Variants in FNDC3A observed in about 807,000 individuals in gnomAD.
FNDC3A encodes fibronectin type III domain containing 3A.
A neutral mutation model predicts 148.9 loss-of-function variants in FNDC3A; 32 were observed. The ratio of observed to expected loss-of-function variants is 0.21; its 90% CI spans 0.16 to 0.29. FNDC3A has a LOEUF of 0.29. FNDC3A is among the 10% of genes least tolerant of loss of function. The pLI is 1.00. For synonymous variants in FNDC3A, 472 were observed against 473.6 expected (o/e 1.00, Z 0.04); for missense variants, 1,191 against 1,452.8 (o/e 0.82, Z 2.93).
chr13:49,187,029 TA>T, intron 15 of FNDC3A, 92 bp from the exon 16 acceptor site: 1 of 827,948 alleles, frequency 1.2e-6, no homozygotes, highest in Non-Finnish European at 1.9e-6. Context: ...TTTTTTTTTT[TA>T]AACCTAGTTT....
chr13:48,986,988 T>G (rs955768357), intron 1 of FNDC3A, among the ~76,000 whole-genome samples: 2 of 152,348 alleles, frequency 1.3e-5, no homozygotes, highest in African/African-American at 2.4e-5. Flanking sequence ...TGTTGTGAAT[T>G]TAGTTACCAA....
chr13:48,978,951 A>AT, intron 1 of FNDC3A, among the ~76,000 whole-genome samples: 3 of 152,210 alleles, frequency 2.0e-5, no homozygotes, highest in Admixed American at 2.0e-4. Context: ...ATTTCAGATA[A>AT]TTATTCAGTG....
At chr13:49,112,542 C>T (rs1379044941) in intron 3 of FNDC3A, among the ~76,000 whole-genome samples, 4 of 152,130 alleles carry the variant, frequency 2.6e-5, no homozygotes, top group Non-Finnish European at 5.9e-5. Flanking sequence ...GATGTAAAGA[C>T]AACAAAGGCC....
rs188370529 is a variant in FNDC3A at position 49,023,145 on chromosome 13, G to T, written c.99+16856G>T. Reference sequence around the variant, plus strand: ...TTAAGATAGTCTAAAGGGAAGAAAGGTTCATAAAATATCAGTCAGGAACAG... The same window carrying T: ...TTAAGATAGTCTAAAGGGAAGAAAGTTTCATAAAATATCAGTCAGGAACAG... On this transcript the variant is annotated intron_variant, in intron 2 of 25. Transcript: ENST00000492622. Among the ~76,000 whole-genome samples the T allele has an allele frequency of 5.3e-3, 804 of 152,086 alleles. 17 individuals carry two copies. Among genetic ancestry groups the T allele is most frequent in the Admixed American group, 0.037 (565 of 15,268 alleles).
chr13:49,003,096 C>T (rs984947436), intron 1 of FNDC3A, among the ~76,000 whole-genome samples: 13 of 152,064 alleles, frequency 8.5e-5, no homozygotes, highest in South Asian at 8.3e-4. Context: ...GACAGAGTCT[C>T]GCTCTGTCAC....
chr13:49,088,166 A>G (rs926815784), intron 3 of FNDC3A, among the ~76,000 whole-genome samples: 2 of 152,200 alleles, frequency 1.3e-5, no homozygotes, highest in African/African-American at 4.8e-5. Flanking sequence ...AATTAAGGAA[A>G]CATTCAATTA....
chr13:49,063,457 G>A (rs887350903), intron 2 of FNDC3A, among the ~76,000 whole-genome samples: 3 of 152,248 alleles, frequency 2.0e-5, no homozygotes, highest in South Asian at 2.1e-4. Flanking sequence ...GGCCAGGGTC[G>A]AGGATTGTAA....
intron 2 of FNDC3A, among the ~76,000 whole-genome samples, chr13:49,030,196 A>G (rs1053927829): frequency 2.6e-5 from 4 of 152,234 alleles, no homozygotes; most frequent in African/African-American, 7.2e-5. Context: ...CATTATGTAC[A>G]TCAACTAAGT....
At chr13:49,115,196 A>AT (rs534815699) in intron 4 of FNDC3A, among the ~76,000 whole-genome samples, 101 of 112,894 alleles carry the variant, frequency 8.9e-4, no homozygotes, top group Middle Eastern at 9.2e-3. Flanking sequence ...GGGGGGGGGA[A>AT]ATAAAAAAAA....
intron 3 of FNDC3A, among the ~76,000 whole-genome samples, chr13:49,080,389 C>T (rs767055495): frequency 2.0e-5 from 3 of 152,046 alleles, no homozygotes; most frequent in Non-Finnish European, 4.4e-5. Context: ...CTCATTTTTT[C>T]CCCCTTCTTT....
At chr13:49,130,031 T>C (rs1218222566) in intron 4 of FNDC3A, among the ~76,000 whole-genome samples, 1 of 152,180 alleles carries the variant, frequency 6.6e-6, no homozygotes, top group East Asian at 1.9e-4. Flanking sequence ...CCATTTGTTA[T>C]ACCTTAATAA....
At chr13:49,157,838 TC>T (rs2138009224) in intron 8 of FNDC3A, among the ~76,000 whole-genome samples, 1 of 133,104 alleles carries the variant, frequency 7.5e-6, no homozygotes, top group Non-Finnish European at 1.6e-5. Flanking sequence ...TGCTCGGGGG[TC>T]AGGGGTCAGG....
chr13:49,021,986 G>A (rs66631927), intron 2 of FNDC3A, among the ~76,000 whole-genome samples: 6,439 of 152,146 alleles, frequency 0.042, 196 homozygotes, highest in Middle Eastern at 0.082. Context: ...TGTATATATA[G>A]AATAAAACTA....
chr13:49,204,848 T>C (rs1007199063), intron 25 of FNDC3A, among the ~76,000 whole-genome samples: 7 of 152,226 alleles, frequency 4.6e-5, no homozygotes, highest in African/African-American at 1.4e-4. Context: ...AATTGAAAAC[T>C]TGATCCCATC....
intron 2 of FNDC3A, among the ~76,000 whole-genome samples, chr13:49,013,486 GTA>G (rs1286077957): frequency 7.3e-5 from 11 of 149,874 alleles, no homozygotes; most frequent in Admixed American, 1.3e-4. Context: ...GTGTATACAT[GTA>G]TATACATGTA....
chr13:49,178,542 G>A (rs1239217525), intron 13 of FNDC3A, 26 bp from the exon 14 acceptor site: 11 of 1,394,932 alleles, frequency 7.9e-6, no homozygotes, highest in African/African-American at 1.4e-5. Flanking sequence ...GACATCGAAT[G>A]AAGACTTTGT....
chr13:48,976,548 C>G (rs1264719085), intron 1 of FNDC3A: 3 of 152,420 alleles, frequency 2.0e-5, no homozygotes, highest in Non-Finnish European at 4.4e-5. Flanking sequence ...TCCCCCGCCT[C>G]CTCCCCGCGG....
Position 49,207,081 on chromosome 13 carries a change from A to T in FNDC3A, c.3283A>T (p.Ile1095Phe), listed in dbSNP as rs751140071. Residue 1095 changes from isoleucine to phenylalanine, a missense_variant and splice_region_variant, in exon 26 of 26, where the codon ATT becomes TTT. This residue lies in a region of FNDC3A where 751 missense variants were observed against 944.0 expected (regional missense o/e 0.80). Transcript: ENST00000492622. ...MLGKDSEFKQ[I>F]YKGPDSSFRY... ...CTTCCTTCTAATATTTTATTAACAG[A>T]TTTACAAGGGTCCCGACTCTTCCTT... is the stretch of plus-strand genomic sequence containing the variant. 3.7e-6 allele frequency: 6 copies of T among 1,609,316 alleles called. No homozygotes were observed. Among genetic ancestry groups the T allele is most frequent in the Non-Finnish European group, 5.1e-6 (6 of 1,176,276 alleles).
chr13:49,089,922 A>G (rs556736554), intron 3 of FNDC3A, among the ~76,000 whole-genome samples: 1 of 152,292 alleles, frequency 6.6e-6, no homozygotes, highest in Non-Finnish European at 1.5e-5. Context: ...TTACGGTACA[A>G]AGATAGGCAG....
Sources: gnomAD v4.1 joint callset for allele counts (sites outside exome capture counted in the v4.1 genomes callset) on GRCh38, gnomAD v4.1.1 for gene constraint, gnomAD v4.1.1 regional missense constraint, MANE v1.5 for transcripts, NCBI Gene and HGNC (gene_info 2026-07-23, HGNC 2026-07-21) for gene names.